ZSWIM6: variants seen among roughly 807,000 people sequenced by gnomAD.
The protein encoded by ZSWIM6 is zinc finger SWIM-type containing 6, also known as zinc finger SWIM domain-containing protein 6.
ZSWIM6 carries 9 observed loss-of-function variants against 113.2 expected under a neutral mutation model. The observed-to-expected ratio is 0.08, with a 90% CI of 0.05 to 0.14. ZSWIM6 has a LOEUF of 0.14. ZSWIM6 is among the 10% of genes least tolerant of loss of function. ZSWIM6 has a pLI of 1.00. For synonymous variants in ZSWIM6, 611 were observed against 606.5 expected (o/e 1.01, Z -0.11); for missense variants, 1,162 against 1,552.2 (o/e 0.75, Z 4.22).
rs546917633 is a variant in ZSWIM6, at chr5:61,418,306, C to T, written c.677-54375C>T. 2.6e-5 allele frequency among the ~76,000 whole-genome samples: 4 copies of T among 152,224 alleles called. No individual in the cohort carries two copies. In the South Asian group the frequency reaches 6.2e-4, roughly 24 times the overall value. On this transcript the variant is annotated intron_variant, in intron 1 of 13. Transcript: ENST00000252744. ...TTTTTGAGGCGAAATCTTGCTCTGT[C>T]GCCCAGGCTGGAGTGCAATGTTGTG...
intron 4 of ZSWIM6, among the ~76,000 whole-genome samples, chr5:61,507,883 T>C (rs1294963414): frequency 6.6e-6 from 1 of 152,208 alleles, no homozygotes; most frequent in African/African-American, 2.4e-5. Flanking sequence ...ATCATTTATT[T>C]TGGAATTCAT....
intron 1 of ZSWIM6, among the ~76,000 whole-genome samples, chr5:61,361,410 A>G (rs1267241738): frequency 1.3e-5 from 2 of 152,150 alleles, no homozygotes; most frequent in Non-Finnish European, 2.9e-5. Context: ...TGGCAAGATA[A>G]TTTTTAAGGC....
intron 1 of ZSWIM6, among the ~76,000 whole-genome samples, chr5:61,471,646 G>A (rs1446290001): frequency 6.6e-6 from 1 of 152,176 alleles, no homozygotes; most frequent in Non-Finnish European, 1.5e-5. Flanking sequence ...TCTCATAGGA[G>A]CACAAACCCT....
chr5:61,494,699 C>A (rs1169221224), intron 4 of ZSWIM6, among the ~76,000 whole-genome samples: 1 of 151,882 alleles, frequency 6.6e-6, no homozygotes, highest in East Asian at 1.9e-4. Context: ...TTTTAAATAG[C>A]AGTTTTATAT....
At chr5:61,378,603 T>C (rs1237209429) in intron 1 of ZSWIM6, among the ~76,000 whole-genome samples, 1 of 152,146 alleles carries the variant, frequency 6.6e-6, no homozygotes, top group African/African-American at 2.4e-5. Context: ...TTGCCCAGCC[T>C]GGAGTGCAAT....
chr5:61,332,966 C>G lies in ZSWIM6; in HGVS notation c.676+18C>G. The G allele has an allele frequency of 8.0e-7, 1 of 1,253,954 alleles. No homozygotes were observed. 77.7% of individuals were successfully genotyped at this position (1,253,954 alleles called of 1,614,324 possible). ...GCAAGTCGGTGAGTCACGGGGCAGC[C>G]GCGAGCCGTCTGTCCGTCCGTCAGT... On this transcript the variant is annotated intron_variant, in intron 1 of 13. Transcript: ENST00000252744.
chr5:61,432,530 G>C (rs1302710865), intron 1 of ZSWIM6, among the ~76,000 whole-genome samples: 2 of 152,156 alleles, frequency 1.3e-5, no homozygotes, highest in African/African-American at 4.8e-5. Context: ...CTTCACAGCT[G>C]GCTTATTAGC....
At chr5:61,359,197 G>T (rs745411010) in intron 1 of ZSWIM6, among the ~76,000 whole-genome samples, 2 of 152,102 alleles carry the variant, frequency 1.3e-5, no homozygotes, top group Non-Finnish European at 2.9e-5. Context: ...GATATGGAGG[G>T]ACCAAAGGGG....
At position 61,377,188 on chromosome 5, in the gene ZSWIM6, G is replaced by A. The variant is rs182690327; in HGVS notation, c.676+44240G>A. ...AAAAGTAGCATTTTAAATCAGTGAG[G>A]GAATTTATTCAAAGGGTGTTGGGAT... is the stretch of plus-strand genomic sequence containing the variant. On this transcript the variant is annotated intron_variant, in intron 1 of 13. Coordinates refer to ENST00000252744, the MANE Select transcript of ZSWIM6 (RefSeq NM_020928.2). Among the ~76,000 whole-genome samples, 138 of 152,186 alleles carry A rather than the reference G, an allele frequency of 9.1e-4. 1 individual carries two copies. Among genetic ancestry groups the A allele is most frequent in the Middle Eastern group, 6.8e-3 (2 of 294 alleles).
intron 1 of ZSWIM6, among the ~76,000 whole-genome samples, chr5:61,441,267 T>C (rs1239034590): frequency 1.3e-5 from 2 of 152,080 alleles, no homozygotes; most frequent in African/African-American, 4.8e-5. Flanking sequence ...CAGCCAAGGA[T>C]TGGTAATTAG....
chr5:61,524,006 A>G (rs13162534), intron 5 of ZSWIM6, among the ~76,000 whole-genome samples: 19,528 of 152,260 alleles, frequency 0.13, 1,382 homozygotes, highest in Middle Eastern at 0.18. Flanking sequence ...CACTCTTTTA[A>G]TACATGCATA....
chr5:61,509,662 G>A (rs1162415457), intron 4 of ZSWIM6, among the ~76,000 whole-genome samples: 1 of 152,120 alleles, frequency 6.6e-6, no homozygotes, highest in African/African-American at 2.4e-5. Context: ...AGAGAATAAT[G>A]TCTACAGGAA....
At chr5:61,473,646 A>G (rs1016639017) in intron 2 of ZSWIM6, among the ~76,000 whole-genome samples, 1 of 152,206 alleles carries the variant, frequency 6.6e-6, no homozygotes, top group African/African-American at 2.4e-5. Context: ...ATATAGGTGC[A>G]ACTTTTCAGA....
rs188097916 is a variant in ZSWIM6 at position 61,391,890 on chromosome 5, C to T, written c.676+58942C>T. 372 of 606,998 alleles carry T rather than the reference C, an allele frequency of 6.1e-4. 3 individuals are homozygous for T. The African/African-American group carries it at 6.2e-3, about 10-fold the overall frequency. The allele number at this position is 606,998 out of a possible 1,614,324, so 37.6% of individuals were successfully genotyped here. A position where few individuals can be genotyped will look rare whatever the true frequency, so the allele number is the denominator to read the frequency against. The stretch of plus-strand genomic sequence containing the variant: ...GAGACATCATGCCATCAAATCCTGC[C>T]GGTAGAGCAAAAAATGGTATTTTCA... On this transcript the variant is annotated intron_variant, in intron 1 of 13. Coordinates refer to ENST00000252744, the MANE Select transcript of ZSWIM6 (RefSeq NM_020928.2).
intron 1 of ZSWIM6, chr5:61,391,146 G>T: frequency 1.3e-6 from 1 of 782,404 alleles, no homozygotes; most frequent in Non-Finnish European, 2.4e-6. Context: ...GATGGGTCTT[G>T]TGGGGTAGCT....
intron 1 of ZSWIM6, among the ~76,000 whole-genome samples, chr5:61,348,936 A>T (rs977506556): frequency 6.6e-6 from 1 of 152,086 alleles, no homozygotes; most frequent in African/African-American, 2.4e-5. Context: ...TCTTTTCCAA[A>T]TTTGAGAACA....
chr5:61,432,340 A>T (rs1373914705), intron 1 of ZSWIM6, among the ~76,000 whole-genome samples: 1 of 152,246 alleles, frequency 6.6e-6, no homozygotes, highest in Non-Finnish European at 1.5e-5. Context: ...CAGAGTACGT[A>T]AGAGTGTTAA....
intron 1 of ZSWIM6, among the ~76,000 whole-genome samples, chr5:61,449,058 G>T (rs570366176): frequency 6.6e-6 from 1 of 152,164 alleles, no homozygotes; most frequent in Admixed American, 6.5e-5. Context: ...TACAATTCCT[G>T]TTGGGCATTT....
chr5:61,460,753 T>A (rs1390014885), intron 1 of ZSWIM6, among the ~76,000 whole-genome samples: 1 of 152,116 alleles, frequency 6.6e-6, no homozygotes, highest in Non-Finnish European at 1.5e-5. Context: ...TATCATAATA[T>A]ATAATGTTCA....
Sources: gnomAD v4.1 joint callset for allele counts (sites outside exome capture counted in the v4.1 genomes callset) on GRCh38, gnomAD v4.1.1 for gene constraint, MANE v1.5 for transcripts, NCBI Gene and HGNC (gene_info 2026-07-23, HGNC 2026-07-21) for gene names.